RGS7BP: variants seen among roughly 807,000 people sequenced by gnomAD.
The protein encoded by RGS7BP is regulator of G protein signaling 7-binding protein.
In RGS7BP, 9 loss-of-function variants were observed where a neutral mutation model predicts 31.3. The observed-to-expected ratio is 0.29, with a 90% confidence interval of 0.17 to 0.50. The LOEUF is 0.50. Among genes scored for constraint, RGS7BP ranks in the 20% least tolerant of loss-of-function variants. RGS7BP has a pLI of 0.98. For synonymous variants in RGS7BP, 115 were observed against 120.1 expected (o/e 0.96, Z 0.28); for missense variants, 274 against 322.0 (o/e 0.85, Z 1.14).
Position 64,609,438 on chromosome 5 carries a change from A to G in RGS7BP, c.*186A>G. The G allele has an allele frequency of 1.8e-6, 1 of 559,996 alleles. No individual in the cohort carries two copies. The highest frequency in any genetic ancestry group is 2.8e-5 in the East Asian group (1 of 35,338). 34.7% of individuals were successfully genotyped at this position (559,996 alleles called of 1,614,324 possible). A position where few individuals can be genotyped will look rare whatever the true frequency, so the allele number is the denominator to read the frequency against. On this transcript the variant is annotated 3_prime_UTR_variant, in exon 6 of 6. Coordinates refer to ENST00000334025, the MANE Select transcript of RGS7BP (RefSeq NM_001029875.3). ...ACTTGAAAGCAGCTGCCGTCAAGAAAAAAAAGAACAGATTCAAAAACCAGG... is the reference window on the plus strand; with the variant it reads ...ACTTGAAAGCAGCTGCCGTCAAGAAGAAAAAGAACAGATTCAAAAACCAGG...
intron 5 of RGS7BP, among the ~76,000 whole-genome samples, chr5:64,603,807 A>G (rs78009202): frequency 0.036 from 5,418 of 152,202 alleles, 312 homozygotes; most frequent in African/African-American, 0.12. Flanking sequence ...TTTTATAAAG[A>G]GTTGCTTACA....
intron 2 of RGS7BP, among the ~76,000 whole-genome samples, chr5:64,540,061 G>GA (rs1488874426): frequency 1.3e-5 from 2 of 151,892 alleles, no homozygotes; most frequent in Non-Finnish European, 1.5e-5. Context: ...GAGTAAAGCA[G>GA]AAAAATATTA....
chr5:64,562,426 C>A (rs1742076439), intron 2 of RGS7BP, among the ~76,000 whole-genome samples: 1 of 152,040 alleles, frequency 6.6e-6, no homozygotes, highest in Non-Finnish European at 1.5e-5. Context: ...TGTTATTATA[C>A]TGATTTGAGG....
At chr5:64,593,957 T>A (rs1317603369) in intron 3 of RGS7BP, among the ~76,000 whole-genome samples, 1 of 152,192 alleles carries the variant, frequency 6.6e-6, no homozygotes, top group Non-Finnish European at 1.5e-5. Context: ...TCCCACTTAA[T>A]TTCATATAAA....
intron 2 of RGS7BP, among the ~76,000 whole-genome samples, chr5:64,518,562 A>G (rs1334483157): frequency 6.6e-6 from 1 of 152,190 alleles, no homozygotes; most frequent in African/African-American, 2.4e-5. Flanking sequence ...TGACTCTGAG[A>G]AGGGACCAGT....
intron 5 of RGS7BP, among the ~76,000 whole-genome samples, chr5:64,599,530 C>A (rs3846474): frequency 1.3e-5 from 2 of 151,916 alleles, no homozygotes; most frequent in African/African-American, 4.8e-5. Context: ...GCCTGAGCTA[C>A]ACAGGGGTGG....
chr5:64,549,491 G>A (rs553809182), intron 2 of RGS7BP, among the ~76,000 whole-genome samples: 1 of 152,214 alleles, frequency 6.6e-6, no homozygotes, highest in African/African-American at 2.4e-5. Context: ...AGGCCATCTG[G>A]CCTGTTGATA....
intron 1 of RGS7BP, among the ~76,000 whole-genome samples, chr5:64,507,230 G>A (rs959750096): frequency 2.0e-5 from 3 of 152,236 alleles, no homozygotes; most frequent in African/African-American, 7.2e-5. Context: ...CTTCCCGTCA[G>A]GCCGTCAGGC....
chr5:64,566,354 G>C (rs1742168778), intron 2 of RGS7BP, among the ~76,000 whole-genome samples: 1 of 152,124 alleles, frequency 6.6e-6, no homozygotes, highest in South Asian at 2.1e-4. Context: ...AGAACATCTT[G>C]TAAGTTAGGT....
At chr5:64,530,346 T>A (rs893135325) in intron 2 of RGS7BP, among the ~76,000 whole-genome samples, 29 of 152,290 alleles carry the variant, frequency 1.9e-4, no homozygotes, top group Admixed American at 1.9e-3. Flanking sequence ...GCATACAAAA[T>A]GAGATTATAT....
At chr5:64,514,592 T>G (rs1748922853) in intron 2 of RGS7BP, among the ~76,000 whole-genome samples, 1 of 152,206 alleles carries the variant, frequency 6.6e-6, no homozygotes, top group Admixed American at 6.5e-5. Context: ...ACAAAGATAC[T>G]GAGTCTCTAA....
At chr5:64,543,102 C>A (rs1405733024) in intron 2 of RGS7BP, among the ~76,000 whole-genome samples, 1 of 152,152 alleles carries the variant, frequency 6.6e-6, no homozygotes, top group African/African-American at 2.4e-5. Flanking sequence ...AGGAATCTAT[C>A]TACAAAAGAA....
At chr5:64,517,043 GTTGGGCAA>G (rs1416373662) in intron 2 of RGS7BP, among the ~76,000 whole-genome samples, 2 of 151,344 alleles carry the variant, frequency 1.3e-5, no homozygotes, top group Non-Finnish European at 2.9e-5. Context: ...AAAGTCCTAG[GTTGGGCAA>G]TTCGGAACTG....
chr5:64,527,706 AAT>A (rs1264663354), intron 2 of RGS7BP, among the ~76,000 whole-genome samples: 1 of 151,996 alleles, frequency 6.6e-6, no homozygotes, highest in Non-Finnish European at 1.5e-5. Flanking sequence ...CAGGTGCTAG[AAT>A]ACAGTACAAA....
At chr5:64,522,741 C>T (rs893654822) in intron 2 of RGS7BP, among the ~76,000 whole-genome samples, 141 of 152,192 alleles carry the variant, frequency 9.3e-4, no homozygotes, top group African/African-American at 3.3e-3. Context: ...TGTTCAGGCT[C>T]AGAGTGGTTT....
At chr5:64,562,596 T>C (rs1339442092) in intron 2 of RGS7BP, among the ~76,000 whole-genome samples, 2 of 152,090 alleles carry the variant, frequency 1.3e-5, no homozygotes, top group East Asian at 3.9e-4. Context: ...TTTGAGGAAG[T>C]GTGAACTCCC....
intron 3 of RGS7BP, among the ~76,000 whole-genome samples, chr5:64,582,570 G>T (rs1447153564): frequency 6.6e-6 from 1 of 152,146 alleles, no homozygotes; most frequent in East Asian, 1.9e-4. Context: ...CTCTCCCAAA[G>T]ATAAGATGGG....
At chr5:64,590,762 T>C (rs1209034289) in intron 3 of RGS7BP, among the ~76,000 whole-genome samples, 1 of 151,802 alleles carries the variant, frequency 6.6e-6, no homozygotes, top group Non-Finnish European at 1.5e-5. Flanking sequence ...TAAAATATCA[T>C]GGAATTGCCA....
chr5:64,608,897 C>T (rs1197112981), intron 5 of RGS7BP, among the ~76,000 whole-genome samples: 2 of 152,006 alleles, frequency 1.3e-5, no homozygotes, highest in Non-Finnish European at 2.9e-5. Context: ...CCCCAGGGAA[C>T]ATTTGGTCAT....
Sources: gnomAD v4.1 joint callset for allele counts (sites outside exome capture counted in the v4.1 genomes callset) on GRCh38, gnomAD v4.1.1 for gene constraint, MANE v1.5 for transcripts, NCBI Gene and HGNC (gene_info 2026-07-23, HGNC 2026-07-21) for gene names.